The following NRL variants were observed in gnomAD, a reference collection of about 807,000 sequenced individuals.
NRL encodes the protein neural retina-specific leucine zipper protein.
NRL carries 16 observed loss-of-function variants against 12.5 expected under a neutral mutation model. The observed-to-expected ratio is 1.28, with a 90% CI of 0.87 to 1.95. The LOEUF (loss-of-function observed/expected upper bound fraction) is 1.95, where lower values mean the gene tolerates loss of function less well. NRL is among the 30% of genes most tolerant of loss of function. The probability of loss-of-function intolerance (pLI) is 0.00; values close to 1 mark genes in which losing one functional copy is unlikely to be tolerated. For synonymous variants in NRL, 142 were observed against 150.9 expected (o/e 0.94, Z 0.43); for missense variants, 314 against 325.8 (o/e 0.96, Z 0.28).
At chr14:24,104,470 A>C (rs2037294028) in intron 1 of NRL, among the ~76,000 whole-genome samples, 1 of 146,908 alleles carries the variant, frequency 6.8e-6, no homozygotes, top group South Asian at 2.1e-4. Flanking sequence ...GCTACTAAAA[A>C]TACAAAAAAA....
At chr14:24,103,969 A>G in intron 1 of NRL, 2 of 1,609,678 alleles carry the variant, frequency 1.2e-6, no homozygotes, top group Non-Finnish European at 1.7e-6. Context: ...ATGTGACCTG[A>G]GGCCCTAGTC....
In NRL at chr14:24,098,532, G is replaced by A. The variant is rs370705149; in HGVS notation, c.-27-15657C>T. On this transcript the variant is annotated intron_variant, in intron 1 of 2. Transcript: ENST00000561028. The stretch of plus-strand genomic sequence containing the variant: ...GGTCCTGTGGGCTCCCCGCTGTCCC[G>A]CATCGGGGTGCAGCTCACTGACTCA... 18 of 1,614,088 alleles carry A rather than the reference G, an allele frequency of 1.1e-5. No homozygotes were observed. The highest frequency in any genetic ancestry group is 3.3e-4 in the Middle Eastern group (2 of 6,060).
At chr14:24,107,567 A>G (rs760798276) in intron 1 of NRL, among the ~76,000 whole-genome samples, 3 of 149,606 alleles carry the variant, frequency 2.0e-5, no homozygotes, top group Admixed American at 6.7e-5. Context: ...TTATAGTTTG[A>G]TCACCTAAAT....
intron 1 of NRL, among the ~76,000 whole-genome samples, chr14:24,109,158 G>A (rs998454863): frequency 3.0e-4 from 46 of 152,226 alleles, no homozygotes; most frequent in African/African-American, 1.1e-3. Flanking sequence ...ACTGGAGAGA[G>A]TAGAGGTTAC....
In NRL at chr14:24,098,220, AC is replaced by A. The variant is rs1471234496; in HGVS notation, c.-27-15346del. On this transcript the variant is annotated intron_variant, in intron 1 of 2. Transcript: ENST00000561028. ...TCCCCCAGCTGGCTGGCCCGCACAGACCCCAAGGATGTGGCACGAGTAGAGA... is the reference window on the plus strand; with the variant it reads ...TCCCCCAGCTGGCTGGCCCGCACAGACCCAAGGATGTGGCACGAGTAGAGA... The A allele has an allele frequency of 3.1e-6, 5 of 1,610,874 alleles. No individual in the cohort carries two copies. In the African/African-American group the frequency reaches 6.7e-5, roughly 22 times the overall value.
At chr14:24,084,622 G>C in intron 1 of NRL, 2 of 985,470 alleles carry the variant, frequency 2.0e-6, no homozygotes, top group Non-Finnish European at 2.4e-6. Flanking sequence ...CCTCTGCTCA[G>C]CTCCAGGGGG....
rs1351261326 is a variant in NRL at position 24,085,912 on chromosome 14, T to C, written c.-27-3037A>G. Reference sequence around the variant, plus strand: ...CCCAGAAATCTGTGTTTTAAGGCCCTTCCAGCAAGTCTGACATGCTTGAAA... The same window carrying C: ...CCCAGAAATCTGTGTTTTAAGGCCCCTCCAGCAAGTCTGACATGCTTGAAA... On this transcript the variant is annotated intron_variant, in intron 1 of 2. Coordinates refer to ENST00000561028, the MANE Select transcript of NRL (RefSeq NM_001354768.3). This position sits in a 1 kb window ranked among gnomAD's most constrained non-coding sequence, Gnocchi z 4.1. Among the ~76,000 whole-genome samples the C allele has an allele frequency of 6.6e-6, 1 of 152,230 alleles. No individual in the cohort carries two copies. The highest frequency in any genetic ancestry group is 1.5e-5 in the Non-Finnish European group (1 of 68,036).
At position 24,079,981 on chromosome 14, in the gene NRL, T is replaced by C. The variant is rs960565528; in HGVS notation, c.*1255A>G. On this transcript the variant is annotated 3_prime_UTR_variant, in exon 3 of 3. Transcript: ENST00000561028. ...GCCTGCCCCTCCACCCCATTTCCAT[T>C]GGCTCTCCATAACAGATGTGCCACC... The C allele has an allele frequency of 5.3e-5, 8 of 152,180 alleles. No homozygotes were observed. The highest frequency in any genetic ancestry group is 1.0e-4 in the Non-Finnish European group (7 of 68,070). The allele number at this position is 152,180 out of a possible 1,614,324, so 9.4% of individuals were successfully genotyped here.
At chr14:24,098,840 G>C (rs1299930899) in intron 1 of NRL, among the ~76,000 whole-genome samples, 2 of 152,242 alleles carry the variant, frequency 1.3e-5, no homozygotes, top group Non-Finnish European at 2.9e-5. Flanking sequence ...GGCTGTGTTT[G>C]CAGAGCACTT....
At chr14:24,083,854 A>G (rs1406629043) in intron 1 of NRL, among the ~76,000 whole-genome samples, 2 of 152,212 alleles carry the variant, frequency 1.3e-5, no homozygotes, top group Non-Finnish European at 2.9e-5. Flanking sequence ...CAAGTTCAAC[A>G]AAAAGTGTCC....
Position 24,081,915 on chromosome 14 carries a change from GC to G in NRL, c.382-348del, listed in dbSNP as rs2036323620. ...TGTCCAGTGGACCCGCACCCAGACAGCCCCCAACCCTCCAACGCGCTGCGTT... is the reference window on the plus strand; with the variant it reads ...TGTCCAGTGGACCCGCACCCAGACAGCCCCAACCCTCCAACGCGCTGCGTT... On this transcript the variant is annotated intron_variant, in intron 2 of 2. Transcript: ENST00000561028. The surrounding 1 kb of genome is among the most constrained non-coding windows in gnomAD (Gnocchi z 4.4). The G allele has an allele frequency of 8.5e-6, 11 of 1,294,172 alleles. No individual in the cohort carries two copies. Among genetic ancestry groups the G allele is most frequent in the Non-Finnish European group, 1.1e-5 (11 of 1,011,894 alleles). The allele number at this position is 1,294,172 out of a possible 1,614,324, so 80.2% of individuals were successfully genotyped here.
chr14:24,111,467 G>A (rs890492518), intron 1 of NRL, among the ~76,000 whole-genome samples: 12 of 152,192 alleles, frequency 7.9e-5, no homozygotes, highest in South Asian at 6.2e-4. Context: ...TCCACCTCCC[G>A]GGTTCAAGCG....
rs115883480 is a variant in NRL at position 24,096,851 on chromosome 14, C to T, written c.-27-13976G>A. 3.8e-3 allele frequency: 6,067 copies of T among 1,584,412 alleles called. 199 individuals carry two copies. The African/African-American group carries it at 0.07, about 18-fold the overall frequency. The stretch of plus-strand genomic sequence containing the variant: ...CTCCACCACCTGCCTTGTCCACTCT[C>T]GATGACAGCAACTAGCTCATTGCCT... On this transcript the variant is annotated intron_variant, in intron 1 of 2. Coordinates refer to ENST00000561028, the MANE Select transcript of NRL (RefSeq NM_001354768.3).
At chr14:24,105,294 C>T (rs189798740) in intron 1 of NRL, among the ~76,000 whole-genome samples, 17 of 152,344 alleles carry the variant, frequency 1.1e-4, no homozygotes, top group Admixed American at 3.9e-4. Context: ...GCCCTCATTC[C>T]GGTGAACCCA....
intron 1 of NRL, among the ~76,000 whole-genome samples, chr14:24,097,376 C>T (rs2036933919): frequency 6.7e-6 from 1 of 149,470 alleles, no homozygotes; most frequent in South Asian, 2.1e-4. Flanking sequence ...CATGGAGAAA[C>T]CCCGTCTCTA....
chr14:24,096,891 G>A (rs779989168), intron 1 of NRL: 1 of 1,611,926 alleles, frequency 6.2e-7, no homozygotes, highest in Admixed American at 1.7e-5. Context: ...TTCTCCTATA[G>A]GCTTAACTGG....
intron 1 of NRL, chr14:24,098,159 A>G: frequency 6.5e-7 from 1 of 1,543,894 alleles, no homozygotes; most frequent in Non-Finnish European, 8.8e-7. Flanking sequence ...GGGACAAGGG[A>G]AACCTGCTGG....
At chr14:24,100,233 T>C (rs201990294) in intron 1 of NRL, 2 of 1,613,648 alleles carry the variant, frequency 1.2e-6, no homozygotes, top group African/African-American at 2.7e-5. Context: ...GTGGGGAAGG[T>C]GTGGCACAGC....
chr14:24,092,668 G>A (rs548698200), intron 1 of NRL, among the ~76,000 whole-genome samples: 12 of 152,300 alleles, frequency 7.9e-5, no homozygotes, highest in Admixed American at 2.6e-4. Flanking sequence ...GGGAAGAGAC[G>A]GGGACCAGTA....
Sources: gnomAD v4.1 joint callset for allele counts (sites outside exome capture counted in the v4.1 genomes callset) on GRCh38, gnomAD v4.1.1 for gene constraint, Gnocchi (gnomAD v3.1) non-coding constraint, MANE v1.5 for transcripts, NCBI Gene and HGNC (gene_info 2026-07-23, HGNC 2026-07-21) for gene names.